Variants in HMCN1 observed in about 807,000 individuals in gnomAD.
The protein encoded by HMCN1 is hemicentin-1.
In HMCN1, 321 loss-of-function variants were observed where a neutral mutation model predicts 625.9. The observed-to-expected ratio is 0.51, with a 90% CI of 0.47 to 0.56. The LOEUF (loss-of-function observed/expected upper bound fraction) is 0.56, where lower values mean the gene tolerates loss of function less well. HMCN1 is among the 20% of genes least tolerant of loss of function. The probability of loss-of-function intolerance (pLI) is 0.00; values close to 1 mark genes in which losing one functional copy is unlikely to be tolerated. For missense variants in HMCN1, 6,588 were observed against 6,887.3 expected, an observed-to-expected ratio of 0.96 and a Z score of 1.54; for synonymous variants, 2,425 against 2,417.6, an observed-to-expected ratio of 1.00 and a Z score of -0.09.
intron 36 of HMCN1, among the ~76,000 whole-genome samples, chr1:186,025,453 C>T (rs1655002223): frequency 1.3e-5 from 2 of 152,178 alleles, no homozygotes; most frequent in Non-Finnish European, 2.9e-5. Context: ...TCCCAGATCT[C>T]CTGAAACAGC....
At chr1:185,763,798 C>A (rs1655674267) in intron 1 of HMCN1, among the ~76,000 whole-genome samples, 1 of 152,202 alleles carries the variant, frequency 6.6e-6, no homozygotes, top group African/African-American at 2.4e-5. Flanking sequence ...AAGTCACTTA[C>A]ACATAGCTCT....
intron 14 of HMCN1, among the ~76,000 whole-genome samples, chr1:185,969,763 A>G (rs1650677425): frequency 6.6e-6 from 1 of 152,190 alleles, no homozygotes; most frequent in South Asian, 2.1e-4. Context: ...AGTACTATGT[A>G]CTTTTTTATG....
intron 4 of HMCN1, among the ~76,000 whole-genome samples, chr1:185,867,643 A>G (rs1407409571): frequency 6.6e-6 from 1 of 152,124 alleles, no homozygotes; most frequent in African/African-American, 2.4e-5. Context: ...TGAATATGCC[A>G]TGGCTAGTGG....
chr1:186,061,809 T>A (rs1657723139), intron 46 of HMCN1, 42 bp from the exon 47 acceptor site: 1 of 1,415,750 alleles, frequency 7.1e-7, no homozygotes, highest in South Asian at 1.2e-5. Context: ...AAGTTTCATT[T>A]TTCTTTTTAA....
chr1:186,012,519 A>C (rs994415959), intron 30 of HMCN1, among the ~76,000 whole-genome samples: 4 of 152,132 alleles, frequency 2.6e-5, no homozygotes, highest in Admixed American at 1.3e-4. Flanking sequence ...TTGTCTTAAA[A>C]AAAAATTTAC....
chr1:185,831,089 T>A (rs958064570), intron 1 of HMCN1, among the ~76,000 whole-genome samples: 2 of 152,134 alleles, frequency 1.3e-5, no homozygotes, highest in African/African-American at 4.8e-5. Context: ...CATCAAAATT[T>A]AATAACATTT....
chr1:185,907,397 T>C (rs546263561), intron 4 of HMCN1, among the ~76,000 whole-genome samples: 17 of 152,030 alleles, frequency 1.1e-4, no homozygotes, highest in East Asian at 9.7e-4. Flanking sequence ...GTCATTTTCA[T>C]TGGGATCTCT....
At chr1:186,158,844 T>A (rs898100725) in intron 97 of HMCN1, among the ~76,000 whole-genome samples, 1 of 151,682 alleles carries the variant, frequency 6.6e-6, no homozygotes, top group African/African-American at 2.4e-5. Context: ...TGTAGCCTTG[T>A]AGTATAGTTT....
At chr1:185,833,177 A>AG (rs1660969603) in intron 1 of HMCN1, among the ~76,000 whole-genome samples, 1 of 152,212 alleles carries the variant, frequency 6.6e-6, no homozygotes, top group Non-Finnish European at 1.5e-5. Context: ...TGTGCCAAGC[A>AG]CAGTGCTGTC....
intron 6 of HMCN1, among the ~76,000 whole-genome samples, chr1:185,919,074 CAT>C (rs60205431): frequency 0.066 from 9,692 of 145,990 alleles, 1,168 homozygotes; most frequent in African/African-American, 0.23. Flanking sequence ...AATTTTAGGA[CAT>C]ATATATATAT....
intron 48 of HMCN1, among the ~76,000 whole-genome samples, chr1:186,063,101 T>TA (rs1363627541): frequency 7.3e-6 from 1 of 136,494 alleles, no homozygotes; most frequent in Non-Finnish European, 1.6e-5. Context: ...TATATATATA[T>TA]ATCACATTTT....
At chr1:185,989,718 A>G in intron 21 of HMCN1, 71 bp downstream of exon 21, 1 of 1,442,336 alleles carries the variant, frequency 6.9e-7, no homozygotes, top group Non-Finnish European at 9.7e-7. Context: ...TTCTTTCCCC[A>G]ATACTGTTAC....
chr1:185,997,361 A>G, intron 24 of HMCN1, 68 bp from the exon 25 acceptor site: 1 of 940,384 alleles, frequency 1.1e-6, no homozygotes, highest in East Asian at 2.4e-5. Flanking sequence ...CAGGTAGTTA[A>G]TTGTGCCTTA....
intron 40 of HMCN1, among the ~76,000 whole-genome samples, chr1:186,043,419 C>T (rs1656341186): frequency 6.6e-6 from 1 of 152,120 alleles, no homozygotes; most frequent in African/African-American, 2.4e-5. Flanking sequence ...TAAACAAATA[C>T]TCCATTGTTT....
intron 1 of HMCN1, among the ~76,000 whole-genome samples, chr1:185,842,206 CTT>C (rs1439689383): frequency 6.6e-6 from 1 of 152,156 alleles, no homozygotes; most frequent in Non-Finnish European, 1.5e-5. Flanking sequence ...GTTCATTCAT[CTT>C]TATATTACTA....
At chr1:185,847,498 C>G (rs937225852) in intron 2 of HMCN1, among the ~76,000 whole-genome samples, 1 of 152,178 alleles carries the variant, frequency 6.6e-6, no homozygotes, top group Non-Finnish European at 1.5e-5. Context: ...ACCTCATTTT[C>G]ACACACAGTC....
At chr1:186,071,649 A>G (rs1262873116) in intron 52 of HMCN1, among the ~76,000 whole-genome samples, 1 of 152,136 alleles carries the variant, frequency 6.6e-6, no homozygotes, top group Non-Finnish European at 1.5e-5. Flanking sequence ...ATATAGCTTT[A>G]TTTTTTCAGA....
At chr1:185,785,573 T>C (rs1657507646) in intron 1 of HMCN1, among the ~76,000 whole-genome samples, 1 of 152,230 alleles carries the variant, frequency 6.6e-6, no homozygotes, top group Non-Finnish European at 1.5e-5. Context: ...GTTTGAATAA[T>C]TCAGCATCCT....
At chr1:185,820,899 T>A (rs866907208) in intron 1 of HMCN1, among the ~76,000 whole-genome samples, 1 of 152,156 alleles carries the variant, frequency 6.6e-6, no homozygotes, top group Non-Finnish European at 1.5e-5. Context: ...TATGTAGATA[T>A]TAGAACACTC....
Sources: allele counts gnomAD v4.1 joint callset (sites outside exome capture counted in the v4.1 genomes callset), GRCh38; gene constraint gnomAD v4.1.1; transcripts MANE v1.5; gene names NCBI Gene and HGNC (gene_info 2026-07-23, HGNC 2026-07-21).